Variants in DGKG observed in about 807,000 individuals in gnomAD.
DGKG encodes DAG kinase gamma.
DGKG carries 78 observed loss-of-function variants against 105.3 expected under a neutral mutation model. The ratio of observed to expected loss-of-function variants is 0.74; its 90% CI spans 0.62 to 0.89. The LOEUF is 0.89. Among genes scored for constraint, DGKG ranks in the 40% least tolerant of loss-of-function variants. DGKG has a pLI of 0.00. For missense variants in DGKG, 958 were observed against 1,020.1 expected (o/e 0.94, Z 0.83); for synonymous variants, 346 against 367.1 (o/e 0.94, Z 0.66).
At chr3:186,350,302 T>G in intron 1 of DGKG, among the ~76,000 whole-genome samples, 1 of 152,248 alleles carries the variant, frequency 6.6e-6, no homozygotes, top group East Asian at 1.9e-4. Context: ...TCTCAATGAA[T>G]TTAACTACTA....
chr3:186,275,436 TC>T (rs1408387308), intron 10 of DGKG, 110 bp downstream of exon 10: 2 of 902,042 alleles, frequency 2.2e-6, no homozygotes, highest in African/African-American at 3.3e-5. Flanking sequence ...ATATGGGTGG[TC>T]CCTCAAGCTG....
chr3:186,256,898 T>A (rs1721503027), intron 17 of DGKG, among the ~76,000 whole-genome samples: 1 of 152,220 alleles, frequency 6.6e-6, no homozygotes, highest in Non-Finnish European at 1.5e-5. Flanking sequence ...CTGTGCCCCT[T>A]CCCTGCTGTA....
At position 186,147,325 on chromosome 3, in the gene DGKG, C is replaced by T. The variant is rs1715551266; in HGVS notation, c.*2765G>A. 1 of 985,358 alleles carries T rather than the reference C, an allele frequency of 1.0e-6. No individual in the cohort carries two copies. Among genetic ancestry groups the T allele is most frequent in the African/African-American group, 1.7e-5 (1 of 57,216 alleles). 61.0% of individuals were successfully genotyped at this position (985,358 alleles called of 1,614,324 possible). A position where few individuals can be genotyped will look rare whatever the true frequency, so the allele number is the denominator to read the frequency against. On this transcript the variant is annotated 3_prime_UTR_variant, in exon 25 of 25. Coordinates refer to ENST00000265022, the MANE Select transcript of DGKG (RefSeq NM_001346.3). Reference sequence around the variant, plus strand: ...AGGGATTAGGTTCTCCCCTGACTAACCATGTGGCTTTGAGAAGTCACTAAA... The same window carrying T: ...AGGGATTAGGTTCTCCCCTGACTAATCATGTGGCTTTGAGAAGTCACTAAA...
At chr3:186,178,260 T>A (rs1717187421) in intron 22 of DGKG, among the ~76,000 whole-genome samples, 1 of 152,070 alleles carries the variant, frequency 6.6e-6, no homozygotes, top group African/African-American at 2.4e-5. Context: ...TAGAAACAGA[T>A]CACAGAGAAT....
At chr3:186,336,280 T>G (rs1725829990) in intron 1 of DGKG, among the ~76,000 whole-genome samples, 1 of 152,156 alleles carries the variant, frequency 6.6e-6, no homozygotes, top group African/African-American at 2.4e-5. Context: ...CATTAACACT[T>G]CTGCATGACA....
intron 20 of DGKG, among the ~76,000 whole-genome samples, chr3:186,214,048 C>T (rs897823554): frequency 1.3e-5 from 2 of 152,138 alleles, no homozygotes; most frequent in Non-Finnish European, 2.9e-5. Context: ...TCACTGCTGG[C>T]CTGAATCATG....
intron 17 of DGKG, among the ~76,000 whole-genome samples, chr3:186,254,408 C>T (rs755692775): frequency 2.0e-5 from 3 of 152,134 alleles, no homozygotes; most frequent in Admixed American, 6.5e-5. Context: ...TGGCCCCTCT[C>T]GTTGTCCTCA....
At chr3:186,215,094 C>T (rs1719212113) in intron 20 of DGKG, among the ~76,000 whole-genome samples, 1 of 152,144 alleles carries the variant, frequency 6.6e-6, no homozygotes, top group Non-Finnish European at 1.5e-5. Context: ...GGTGGGCACG[C>T]CACACTCAGG....
At chr3:186,338,169 CAAAAAAAAA>C (rs34436386) in intron 1 of DGKG, among the ~76,000 whole-genome samples, 1 of 75,842 alleles carries the variant, frequency 1.3e-5, no homozygotes, top group Non-Finnish European at 2.9e-5. Context: ...GACCCTATCT[CAAAAAAAAA>C]AAAAAAAAAA....
At chr3:186,339,958 C>T (rs1478360543) in intron 1 of DGKG, among the ~76,000 whole-genome samples, 1 of 152,194 alleles carries the variant, frequency 6.6e-6, no homozygotes, top group African/African-American at 2.4e-5. Flanking sequence ...AGTGGTATCA[C>T]CTTACACAGT....
intron 22 of DGKG, among the ~76,000 whole-genome samples, chr3:186,168,479 C>T (rs905150122): frequency 1.3e-5 from 2 of 152,196 alleles, no homozygotes; most frequent in Non-Finnish European, 2.9e-5. Context: ...CTGGCCCATC[C>T]AGTTCAGCCT....
chr3:186,173,488 T>A (rs1716926266), intron 22 of DGKG, among the ~76,000 whole-genome samples: 1 of 152,222 alleles, frequency 6.6e-6, no homozygotes, highest in Admixed American at 6.5e-5. Context: ...TCTAGACAGG[T>A]GAGTGGGAGC....
At chr3:186,333,917 T>A (rs565506841) in intron 1 of DGKG, among the ~76,000 whole-genome samples, 7 of 152,288 alleles carry the variant, frequency 4.6e-5, no homozygotes, top group African/African-American at 1.7e-4. Flanking sequence ...CACTCAAGTT[T>A]GGAACGGTGT....
chr3:186,260,256 C>T (rs559809547), intron 16 of DGKG, among the ~76,000 whole-genome samples, 183 bp downstream of exon 16: 1 of 152,212 alleles, frequency 6.6e-6, no homozygotes, highest in South Asian at 2.1e-4. Flanking sequence ...GTTAGCCTTC[C>T]TGGGCATCCT....
intron 20 of DGKG, among the ~76,000 whole-genome samples, chr3:186,220,269 T>C (rs181750984): frequency 3.3e-5 from 5 of 152,212 alleles, no homozygotes; most frequent in Admixed American, 6.5e-5. Context: ...GGAGAATGAA[T>C]AAAAATAGTG....
chr3:186,201,093 C>A (rs1173219071), intron 21 of DGKG, among the ~76,000 whole-genome samples: 1 of 151,986 alleles, frequency 6.6e-6, no homozygotes, highest in African/African-American at 2.4e-5. Flanking sequence ...CAGAGTTGGA[C>A]AGAAGGCAAA....
At chr3:186,301,559 G>A (rs181975629) in intron 3 of DGKG, among the ~76,000 whole-genome samples, 12 of 152,224 alleles carry the variant, frequency 7.9e-5, no homozygotes, top group Admixed American at 2.0e-4. Context: ...CCCGGGAGGC[G>A]GAGCTTGCAG....
chr3:186,201,525 C>T (rs1718461129), intron 21 of DGKG, among the ~76,000 whole-genome samples: 1 of 152,156 alleles, frequency 6.6e-6, no homozygotes, highest in Admixed American at 6.5e-5. Context: ...TCACAGTTGT[C>T]CCGGACCCTC....
intron 20 of DGKG, among the ~76,000 whole-genome samples, chr3:186,213,340 T>G (rs865960365): frequency 6.6e-5 from 10 of 152,256 alleles, no homozygotes; most frequent in Admixed American, 2.0e-4. Flanking sequence ...TGGGACAGGC[T>G]GAGCCCCAAT....
Sources: gnomAD v4.1 joint callset for allele counts (sites outside exome capture counted in the v4.1 genomes callset) on GRCh38, gnomAD v4.1.1 for gene constraint, MANE v1.5 for transcripts, NCBI Gene and HGNC (gene_info 2026-07-23, HGNC 2026-07-21) for gene names.